RPGRIP1: variants seen among roughly 807,000 people sequenced by gnomAD.
RPGRIP1 encodes the protein X-linked retinitis pigmentosa GTPase regulator-interacting protein 1.
In RPGRIP1, 128 loss-of-function variants were observed where a neutral mutation model predicts 157.9. That is an observed-to-expected ratio of 0.81 (90% CI 0.70 to 0.94). The LOEUF (loss-of-function observed/expected upper bound fraction) is 0.94, where lower values mean the gene tolerates loss of function less well. Ranked by LOEUF, RPGRIP1 falls within the 40% of genes least tolerant of loss-of-function variation. RPGRIP1 has a pLI of 0.00. For missense variants in RPGRIP1, 1,486 were observed against 1,545.8 expected (o/e 0.96, Z 0.65); for synonymous variants, 554 against 571.6 (o/e 0.97, Z 0.44).
chr14:21,308,267 A>G (rs1881399732), intron 7 of RPGRIP1, among the ~76,000 whole-genome samples: 2 of 152,232 alleles, frequency 1.3e-5, no homozygotes, highest in African/African-American at 4.8e-5. Flanking sequence ...GCCTGACAAC[A>G]GCCCTCAAGG....
chr14:21,316,902 C>CT (rs1881842241), intron 10 of RPGRIP1, among the ~76,000 whole-genome samples: 1 of 151,912 alleles, frequency 6.6e-6, no homozygotes, highest in African/African-American at 2.4e-5. Context: ...GGTGGATCAC[C>CT]TGAGGTCAGG....
chr14:21,297,880 T>TCTTTCTTTCTTTCTTTC (rs1555365051), intron 3 of RPGRIP1, among the ~76,000 whole-genome samples: 18 of 149,830 alleles, frequency 1.2e-4, no homozygotes, highest in Admixed American at 2.0e-4. Flanking sequence ...TTTCTTTCTT[T>TCTTTCTTTCTTTCTTTC]TTTTTGAGAT....
intron 3 of RPGRIP1, 123 bp from the exon 4 acceptor site, chr14:21,300,839 AGTGT>A (rs1880993800): frequency 1.8e-6 from 2 of 1,108,156 alleles, no homozygotes; most frequent in Admixed American, 4.9e-5. Context: ...ATCTTTTTAA[AGTGT>A]GGTTAATAGA....
At chr14:21,345,238 A>C (rs1275539067) in intron 23 of RPGRIP1, 41 bp downstream of exon 23, 1 of 1,450,604 alleles carries the variant, frequency 6.9e-7, no homozygotes, top group East Asian at 2.3e-5. Context: ...GGAGATATTG[A>C]GACAGAAATT....
chr14:21,312,989 C>A (rs1292834553), intron 10 of RPGRIP1, among the ~76,000 whole-genome samples: 2 of 151,962 alleles, frequency 1.3e-5, no homozygotes, highest in African/African-American at 4.8e-5. Context: ...TGCACTGCCA[C>A]ACCTGGCTAA....
At chr14:21,332,007 C>T (rs1594235149) in intron 20 of RPGRIP1, among the ~76,000 whole-genome samples, 3 of 146,806 alleles carry the variant, frequency 2.0e-5, no homozygotes, top group South Asian at 2.1e-4. Flanking sequence ...GGCACAATCT[C>T]GGCTCACTGC....
rs529111449 is a variant in RPGRIP1 at position 21,296,652 on chromosome 14, A to G, written c.218+1843A>G. 6.6e-5 allele frequency among the ~76,000 whole-genome samples: 10 copies of G among 151,054 alleles called. No individual in the cohort carries two copies. In the South Asian group the frequency reaches 2.1e-3, roughly 32 times the overall value. ...AGGCATGACCCATCGTGCCCAGTTA[A>G]TTTATTAGAAATAGTATTAATTAGC... On this transcript the variant is annotated intron_variant, in intron 3 of 24. Transcript: ENST00000400017.
At chr14:21,339,921 C>T (rs1884813883) in intron 21 of RPGRIP1, among the ~76,000 whole-genome samples, 1 of 152,132 alleles carries the variant, frequency 6.6e-6, no homozygotes, top group Non-Finnish European at 1.5e-5. Flanking sequence ...ATAAGTAAAG[C>T]AGATAGCTCT....
At chr14:21,300,008 T>G (rs1218523963) in intron 3 of RPGRIP1, among the ~76,000 whole-genome samples, 5 of 151,870 alleles carry the variant, frequency 3.3e-5, no homozygotes, top group Non-Finnish European at 7.4e-5. Flanking sequence ...CTTAATAACC[T>G]CCAAAGGCCG....
chr14:21,323,367 G>A (rs1031738541), intron 14 of RPGRIP1, among the ~76,000 whole-genome samples: 1 of 151,876 alleles, frequency 6.6e-6, no homozygotes, highest in Admixed American at 6.6e-5. Flanking sequence ...GTTGCAGTGA[G>A]CCGAGACCAG....
rs999852634 is a variant in RPGRIP1, at chr14:21,317,119, C to CA, written c.1152-567dup. Among the ~76,000 whole-genome samples the CA allele has an allele frequency of 1.2e-3, 155 of 124,576 alleles. No individual in the cohort carries two copies. The East Asian group carries it at 0.013, about 11-fold the overall frequency. 81.7% of individuals were successfully genotyped at this position (124,576 alleles called of 152,430 possible). A position where few individuals can be genotyped will look rare whatever the true frequency, so the allele number is the denominator to read the frequency against. On this transcript the variant is annotated intron_variant, in intron 10 of 24. Transcript: ENST00000400017. ...TGGGTGACAGCTCGAGATTCTGTCT[C>CA]AAAAAAAAAAGAAAAAAGAAAAAAA...
At chr14:21,302,324 T>C (rs886788608) in intron 4 of RPGRIP1, among the ~76,000 whole-genome samples, 164 bp from the exon 5 acceptor site, 5 of 139,234 alleles carry the variant, frequency 3.6e-5, no homozygotes, top group African/African-American at 1.4e-4. Flanking sequence ...GTTGCAGTTT[T>C]TTGCAAGAGT....
At chr14:21,284,896 G>A (rs1283705412) in intron 1 of RPGRIP1, among the ~76,000 whole-genome samples, 1 of 152,074 alleles carries the variant, frequency 6.6e-6, no homozygotes, top group Non-Finnish European at 1.5e-5. Context: ...CTGGAATCAA[G>A]AACAGAATGC....
At chr14:21,337,346 C>T (rs550094675) in intron 21 of RPGRIP1, among the ~76,000 whole-genome samples, 12 of 151,378 alleles carry the variant, frequency 7.9e-5, no homozygotes, top group Admixed American at 5.3e-4. Flanking sequence ...ATACAGTGCC[C>T]GAGACAAATT....
chr14:21,321,384 A>T lies in RPGRIP1; in HGVS notation c.1593A>T (p.Lys531Asn). Residue 531 changes from lysine to asparagine, a missense_variant, in exon 13 of 25, where the codon AAA becomes AAT. By Grantham distance (94) the Lys-to-Asn change is moderately conservative (BLOSUM62 0). Transcript: ENST00000400017. Reference protein sequence around the residue: ...KTRDMLILQRKINVCYQEELE... With the variant: ...KTRDMLILQRNINVCYQEELE... ...GGGACATGCTTATTCTGCAGCGCAAAATCAACGTGTGTTATCAGGTGCAAG... is the reference window on the plus strand; with the variant it reads ...GGGACATGCTTATTCTGCAGCGCAATATCAACGTGTGTTATCAGGTGCAAG... The T allele has an allele frequency of 1.2e-6, 2 of 1,611,664 alleles. No homozygotes were observed. Among genetic ancestry groups the T allele is most frequent in the Non-Finnish European group, 1.7e-6 (2 of 1,179,314 alleles).
intron 10 of RPGRIP1, among the ~76,000 whole-genome samples, chr14:21,312,982 A>G (rs1881602512): frequency 6.6e-6 from 1 of 151,924 alleles, no homozygotes; most frequent in African/African-American, 2.4e-5. Flanking sequence ...ACAGGTGTGC[A>G]CTGCCACACC....
Position 21,328,625 on chromosome 14 carries a change from G to C in RPGRIP1, c.3097G>C (p.Glu1033Gln), listed in dbSNP as rs3748361. 0.34 allele frequency: 540,808 copies of C among 1,602,658 alleles called. 97,013 individuals are homozygous for C. Among genetic ancestry groups the C allele is most frequent in the South Asian group, 0.48 (43,343 of 90,778 alleles). ...SLNILNGNTP[E>Q]QVNYTEWKFS... ...TAACATCTTAAATGGAAATACACCA[G>C]AGGTAAGACCTTAAAAACTCTGAAG... The change falls in exon 19 of 25, where the codon GAG (glutamate) becomes CAG (glutamine). Residue 1033 changes from glutamate to glutamine, a missense_variant and splice_region_variant. By Grantham distance (29) the Glu-to-Gln change is conservative. Coordinates refer to ENST00000400017, the MANE Select transcript of RPGRIP1 (RefSeq NM_020366.4).
chr14:21,318,051 A>T, intron 11 of RPGRIP1: 3 of 698,348 alleles, frequency 4.3e-6, no homozygotes, highest in South Asian at 3.0e-5. Context: ...TCTCATGTAT[A>T]CTTTTTCCTA....
At chr14:21,297,859 T>TTCTTTCTTTCTTTCTTTCTTTCTC (rs1880858001) in intron 3 of RPGRIP1, among the ~76,000 whole-genome samples, 1 of 150,490 alleles carries the variant, frequency 6.6e-6, no homozygotes, top group Non-Finnish European at 1.5e-5. Context: ...CTTTCTTTCT[T>TTCTTTCTTTCTTTCTTTCTTTCTC]TCTTTCTTTC....
Sources: gnomAD v4.1 joint callset for allele counts (sites outside exome capture counted in the v4.1 genomes callset) on GRCh38, gnomAD v4.1.1 for gene constraint, MANE v1.5 for transcripts, NCBI Gene and HGNC (gene_info 2026-07-23, HGNC 2026-07-21) for gene names.